R3HDM2: variants seen among roughly 807,000 people sequenced by gnomAD.
R3HDM2 encodes the protein R3H domain-containing protein 2.
R3HDM2 carries 38 observed loss-of-function variants against 124.5 expected under a neutral mutation model. That is an observed-to-expected ratio of 0.31 (90% CI 0.24 to 0.40). R3HDM2 has a LOEUF of 0.40. Among genes scored for constraint, R3HDM2 ranks in the 10% least tolerant of loss-of-function variants. The pLI, the probability that R3HDM2 is intolerant of heterozygous loss-of-function variation, is 1.00. For missense variants in R3HDM2, 869 were observed against 1,236.9 expected (o/e 0.70, Z 4.46); for synonymous variants, 391 against 448.0 (o/e 0.87, Z 1.61).
chr12:57,415,143 A>T (rs552298114), intron 1 of R3HDM2, among the ~76,000 whole-genome samples: 4 of 152,248 alleles, frequency 2.6e-5, no homozygotes, highest in African/African-American at 9.6e-5. Flanking sequence ...ACAGTAATGG[A>T]TTGTAACTTG....
chr12:57,393,262 C>A (rs1330441193), intron 2 of R3HDM2, among the ~76,000 whole-genome samples: 1 of 152,112 alleles, frequency 6.6e-6, no homozygotes, highest in Non-Finnish European at 1.5e-5. Flanking sequence ...CACCAATATG[C>A]CCGGCTAATT....
At chr12:57,385,165 CAAAT>C (rs2065531113) in intron 2 of R3HDM2, among the ~76,000 whole-genome samples, 1 of 149,578 alleles carries the variant, frequency 6.7e-6, no homozygotes, top group Non-Finnish European at 1.5e-5. Flanking sequence ...AACAAACAAA[CAAAT>C]AAGAAGAAAA....
intron 2 of R3HDM2, among the ~76,000 whole-genome samples, chr12:57,333,605 T>C (rs1380837815): frequency 6.6e-6 from 1 of 151,934 alleles, no homozygotes; most frequent in African/African-American, 2.4e-5. Context: ...GGCAGGAGAA[T>C]TGCTTGAATC....
In R3HDM2 at chr12:57,300,128, G is replaced by A; in HGVS notation, c.261C>T (p.Ser87=). 1 of 1,551,576 alleles carries A rather than the reference G, an allele frequency of 6.4e-7. No individual in the cohort carries two copies. Among genetic ancestry groups the A allele is most frequent in the South Asian group, 1.2e-5 (1 of 84,054 alleles). ...VRSLAVCEES[S]TPFADGPLET... Reference sequence around the variant, plus strand: ...CTAATGGCCCATCAGCAAATGGGGTGGAGGACTCCTCACACACTGCCAGGC... The same window carrying A: ...CTAATGGCCCATCAGCAAATGGGGTAGAGGACTCCTCACACACTGCCAGGC... Residue 87 remains serine (S), a synonymous_variant, in exon 5 of 24, where the codon TCC becomes TCT. Transcript: ENST00000402412.
chr12:57,330,599 C>A (rs1184000522), intron 2 of R3HDM2, among the ~76,000 whole-genome samples: 1 of 151,558 alleles, frequency 6.6e-6, no homozygotes, highest in Non-Finnish European at 1.5e-5. Context: ...CCCGCCTTGG[C>A]CTCCCAAAGT....
At chr12:57,316,499 G>T (rs1233092700) in intron 2 of R3HDM2, among the ~76,000 whole-genome samples, 3 of 151,772 alleles carry the variant, frequency 2.0e-5, no homozygotes, top group Non-Finnish European at 4.4e-5. Context: ...GGTGATCTTG[G>T]ATGCAGATGA....
intron 19 of R3HDM2, among the ~76,000 whole-genome samples, chr12:57,259,851 G>T (rs2040205145): frequency 6.6e-6 from 1 of 152,162 alleles, no homozygotes; most frequent in Non-Finnish European, 1.5e-5. Context: ...GCATATTCTG[G>T]TAAGATGTTT....
intron 11 of R3HDM2, 47 bp from the exon 12 acceptor site, chr12:57,289,087 T>C: frequency 6.7e-7 from 1 of 1,492,670 alleles, no homozygotes; most frequent in Non-Finnish European, 9.1e-7. Flanking sequence ...GAAAACAGCA[T>C]GGCATGACCG....
intron 1 of R3HDM2, among the ~76,000 whole-genome samples, chr12:57,419,688 C>T (rs2069999360): frequency 6.6e-6 from 1 of 152,014 alleles, no homozygotes; most frequent in Non-Finnish European, 1.5e-5. Context: ...GTAATTCTCC[C>T]GCCTTGACCT....
chr12:57,393,703 A>T (rs926973018), intron 2 of R3HDM2, among the ~76,000 whole-genome samples: 1 of 152,096 alleles, frequency 6.6e-6, no homozygotes, highest in African/African-American at 2.4e-5. Flanking sequence ...TCACTCATCT[A>T]TACATCCAGG....
chr12:57,267,134 C>A (rs1300395303), intron 18 of R3HDM2, among the ~76,000 whole-genome samples: 1 of 151,998 alleles, frequency 6.6e-6, no homozygotes, highest in Non-Finnish European at 1.5e-5. Flanking sequence ...TATGCACACA[C>A]ACAGATTCCA....
At position 57,256,558 on chromosome 12, in the gene R3HDM2, T is replaced by C. The variant is rs184744512; in HGVS notation, c.2450-47A>G. 77 of 1,395,280 alleles carry C rather than the reference T, an allele frequency of 5.5e-5. 1 individual carries two copies. The African/African-American group carries it at 9.8e-4, about 18-fold the overall frequency. 86.4% of individuals were successfully genotyped at this position (1,395,280 alleles called of 1,614,324 possible). On this transcript the variant is annotated intron_variant, in intron 21 of 23. Coordinates refer to ENST00000402412, the MANE Select transcript of R3HDM2 (RefSeq NM_001394031.1). ...TTTTCTGGGAGCTTAAGCTTCATAG[T>C]ATGACTTTTATAAGACTTCAAGGGG...
intron 13 of R3HDM2, among the ~76,000 whole-genome samples, chr12:57,283,280 A>G (rs1405557637): frequency 6.6e-6 from 1 of 152,146 alleles, no homozygotes; most frequent in Non-Finnish European, 1.5e-5. Context: ...AGAGAAAATA[A>G]TCTAATCACA....
At chr12:57,322,620 TCTCGA>T (rs2056631854) in intron 2 of R3HDM2, among the ~76,000 whole-genome samples, 2 of 152,196 alleles carry the variant, frequency 1.3e-5, no homozygotes, top group African/African-American at 4.8e-5. Context: ...CTGCATTCTT[TCTCGA>T]CTTTTTTTTA....
chr12:57,379,227 A>C (rs1472853654), intron 2 of R3HDM2, among the ~76,000 whole-genome samples: 2 of 152,190 alleles, frequency 1.3e-5, no homozygotes, highest in Admixed American at 6.6e-5. Flanking sequence ...TTAAAATGGT[A>C]AATTTTATGT....
At chr12:57,372,486 G>A (rs1226504122) in intron 2 of R3HDM2, among the ~76,000 whole-genome samples, 2 of 152,142 alleles carry the variant, frequency 1.3e-5, no homozygotes, top group African/African-American at 4.8e-5. Flanking sequence ...GCAATAAAGG[G>A]TGCTGCTGAA....
At chr12:57,363,307 A>C (rs1231101045) in intron 2 of R3HDM2, among the ~76,000 whole-genome samples, 1 of 152,162 alleles carries the variant, frequency 6.6e-6, no homozygotes, top group African/African-American at 2.4e-5. Flanking sequence ...CACCCATTTA[A>C]AGTGCACAAT....
At chr12:57,400,697 G>A (rs558419416) in intron 1 of R3HDM2, among the ~76,000 whole-genome samples, 2 of 152,076 alleles carry the variant, frequency 1.3e-5, no homozygotes, top group South Asian at 4.1e-4. Context: ...GGAGCAACTA[G>A]CAACAACAAA....
rs180952623 is a variant in R3HDM2, at chr12:57,290,757, C to A, written c.907-1717G>T. Among the ~76,000 whole-genome samples, 210 of 152,250 alleles carry A rather than the reference C, an allele frequency of 1.4e-3. 1 individual carries two copies. The highest frequency in any genetic ancestry group is 2.6e-3 in the Non-Finnish European group (175 of 68,012). On this transcript the variant is annotated intron_variant, in intron 11 of 23. Transcript: ENST00000402412. Reference sequence around the variant, plus strand: ...CCCCCTGAGTAGCTGGGATTACAGGCATGTGCCACCATGCCTGGCTAATTT... The same window carrying A: ...CCCCCTGAGTAGCTGGGATTACAGGAATGTGCCACCATGCCTGGCTAATTT...
Sources: allele counts gnomAD v4.1 joint callset (sites outside exome capture counted in the v4.1 genomes callset), GRCh38; gene constraint gnomAD v4.1.1; transcripts MANE v1.5; gene names NCBI Gene and HGNC (gene_info 2026-07-23, HGNC 2026-07-21).